Variants in CAMTA1 observed in about 807,000 individuals in gnomAD.
The protein encoded by CAMTA1 is calmodulin-binding transcription activator 1.
CAMTA1 carries 27 observed loss-of-function variants against 170.9 expected under a neutral mutation model. The ratio of observed to expected loss-of-function variants is 0.16; its 90% CI spans 0.12 to 0.22. The LOEUF (loss-of-function observed/expected upper bound fraction) is 0.22. Ranked by LOEUF, CAMTA1 falls within the 10% of genes least tolerant of loss-of-function variation. CAMTA1 has a pLI of 1.00. For synonymous variants in CAMTA1, 833 were observed against 891.5 expected, an observed-to-expected ratio of 0.93 and a Z score of 1.17; for missense variants, 1,619 against 2,217.2, an observed-to-expected ratio of 0.73 and a Z score of 5.42.
At position 7,034,220 on chromosome 1, in the gene CAMTA1, C is replaced by T. The variant is rs554854393; in HGVS notation, c.235-57084C>T. Among the ~76,000 whole-genome samples, 86 of 152,108 alleles carry T rather than the reference C, an allele frequency of 5.7e-4. 2 individuals carry two copies. The South Asian group carries it at 9.8e-3, about 17-fold the overall frequency. On this transcript the variant is annotated intron_variant, in intron 3 of 22. Coordinates refer to ENST00000303635, the MANE Select transcript of CAMTA1 (RefSeq NM_015215.4). The stretch of plus-strand genomic sequence containing the variant: ...TTGCCCAGGCTGGAGTGCAGTGGTG[C>T]GATCTTGGCTCACTGCAACCTCCAC...
chr1:7,261,332 C>G (rs571598856), intron 5 of CAMTA1, among the ~76,000 whole-genome samples: 1 of 152,310 alleles, frequency 6.6e-6, no homozygotes, highest in South Asian at 2.1e-4. Context: ...ATGCTAAGAG[C>G]TCTGTTGAGG....
At chr1:7,703,788 A>G (rs901211086) in intron 11 of CAMTA1, among the ~76,000 whole-genome samples, 9 of 152,210 alleles carry the variant, frequency 5.9e-5, no homozygotes, top group Non-Finnish European at 8.8e-5. Flanking sequence ...GACTGCAAAC[A>G]GCACAGGGAA....
intron 7 of CAMTA1, among the ~76,000 whole-genome samples, chr1:7,655,168 CCA>C (rs754682569): frequency 0.025 from 2,766 of 110,592 alleles, 40 homozygotes; most frequent in Non-Finnish European, 0.035. Context: ...CTATACACAC[CCA>C]CACACACCTA....
At chr1:7,213,530 GC>G (rs1488942646) in intron 4 of CAMTA1, among the ~76,000 whole-genome samples, 4 of 151,960 alleles carry the variant, frequency 2.6e-5, no homozygotes, top group Admixed American at 6.6e-5. Flanking sequence ...GAGGTGGTTT[GC>G]AAATATTTTC....
chr1:7,054,294 G>C (rs1343041818), intron 3 of CAMTA1, among the ~76,000 whole-genome samples: 1 of 152,256 alleles, frequency 6.6e-6, no homozygotes, highest in Non-Finnish European at 1.5e-5. Flanking sequence ...GGAGAAGAGA[G>C]GCCAGGCCGC....
intron 3 of CAMTA1, among the ~76,000 whole-genome samples, chr1:6,840,199 CAAAAA>C (rs565023900): frequency 6.9e-6 from 1 of 144,310 alleles, no homozygotes; most frequent in East Asian, 2.0e-4. Context: ...AACACCGTCT[CAAAAA>C]AAAAAGAGTT....
At position 7,588,633 on chromosome 1, in the gene CAMTA1, A is replaced by G. The variant is rs549209007; in HGVS notation, c.511-51767A>G. 6.6e-6 allele frequency among the ~76,000 whole-genome samples: 1 copy of G among 152,218 alleles called. No individual in the cohort carries two copies. Among genetic ancestry groups the G allele is most frequent in the South Asian group, 2.1e-4 (1 of 4,822 alleles). ...TGAGCAGCCCCAGCCACAGTGGCCC[A>G]TGTTGTTCCCTCCCTTGCAGGGCAA... On this transcript the variant is annotated intron_variant, in intron 6 of 22. Coordinates refer to ENST00000303635, the MANE Select transcript of CAMTA1 (RefSeq NM_015215.4). This position sits in a 1 kb window ranked among gnomAD's most constrained non-coding sequence, Gnocchi z 5.8.
intron 3 of CAMTA1, among the ~76,000 whole-genome samples, chr1:6,983,828 C>T (rs971480684): frequency 3.3e-5 from 4 of 119,904 alleles, no homozygotes; most frequent in African/African-American, 1.3e-4. Context: ...TTAATGCATA[C>T]ATAGGTGGAT....
At chr1:7,713,523 A>G (rs1263319327) in intron 11 of CAMTA1, among the ~76,000 whole-genome samples, 9 of 152,082 alleles carry the variant, frequency 5.9e-5, no homozygotes, top group Non-Finnish European at 1.3e-4. Context: ...ATCTGTTAGC[A>G]TATTAGGGTT....
chr1:7,556,495 A>G (rs1303606355), intron 6 of CAMTA1, among the ~76,000 whole-genome samples: 1 of 152,240 alleles, frequency 6.6e-6, no homozygotes, highest in Non-Finnish European at 1.5e-5. Flanking sequence ...TCTTCCTTGC[A>G]CAGTGGCTAG....
intron 6 of CAMTA1, among the ~76,000 whole-genome samples, chr1:7,638,733 T>C (rs905280323): frequency 6.6e-6 from 1 of 152,108 alleles, no homozygotes; most frequent in Non-Finnish European, 1.5e-5. Flanking sequence ...ATCTAGAAAG[T>C]GACAGGATTG....
At chr1:7,368,427 G>A (rs943125011) in intron 5 of CAMTA1, among the ~76,000 whole-genome samples, 6 of 151,944 alleles carry the variant, frequency 3.9e-5, no homozygotes, top group African/African-American at 1.5e-4. Flanking sequence ...CAGGCACTGG[G>A]CACTCATGGT....
intron 5 of CAMTA1, among the ~76,000 whole-genome samples, chr1:7,398,181 C>CA (rs2089511970): frequency 1.4e-3 from 62 of 45,570 alleles, no homozygotes; most frequent in African/African-American, 4.9e-3. Context: ...CTCTCTCTCT[C>CA]TCTCTCTCTC....
intron 5 of CAMTA1, among the ~76,000 whole-genome samples, chr1:7,402,552 A>G (rs2089981823): frequency 6.6e-6 from 1 of 152,142 alleles, no homozygotes; most frequent in South Asian, 2.1e-4. Context: ...GGCCCATTAT[A>G]TGCTGCAGTC....
chr1:7,087,142 T>G (rs1640859887), intron 3 of CAMTA1, among the ~76,000 whole-genome samples: 1 of 152,222 alleles, frequency 6.6e-6, no homozygotes, highest in Non-Finnish European at 1.5e-5. Context: ...CTGCCGCCTT[T>G]AGGGTCCTAG....
At chr1:7,412,751 T>C (rs1450910296) in intron 5 of CAMTA1, among the ~76,000 whole-genome samples, 1 of 152,112 alleles carries the variant, frequency 6.6e-6, no homozygotes, top group African/African-American at 2.4e-5. Context: ...CAGAAACTCT[T>C]TAGTTTAATG....
At chr1:6,928,403 T>A (rs1356344269) in intron 3 of CAMTA1, among the ~76,000 whole-genome samples, 1 of 152,144 alleles carries the variant, frequency 6.6e-6, no homozygotes, top group Non-Finnish European at 1.5e-5. Flanking sequence ...GTTCAGTGCC[T>A]TTGTGTTCAG....
At position 7,248,048 on chromosome 1, in the gene CAMTA1, A is replaced by C. The variant is rs1263018514; in HGVS notation, c.303-1443A>C. ...TCGGGAGTCGCTGTTGAAAGTCTGT[A>C]ATTTCCAGCGGAATTGCTGTTTAGT... On this transcript the variant is annotated intron_variant, in intron 4 of 22. Transcript: ENST00000303635. This position sits in a 1 kb window ranked among gnomAD's most constrained non-coding sequence, Gnocchi z 4.0. Among the ~76,000 whole-genome samples the C allele has an allele frequency of 2.0e-5, 3 of 152,146 alleles. No individual in the cohort carries two copies. The highest frequency in any genetic ancestry group is 4.8e-5 in the African/African-American group (2 of 41,424).
At chr1:7,574,458 C>A (rs2095165758) in intron 6 of CAMTA1, among the ~76,000 whole-genome samples, 1 of 152,170 alleles carries the variant, frequency 6.6e-6, no homozygotes. Context: ...AGGGATGCTC[C>A]CTGGCCAGCT....
Sources: allele counts gnomAD v4.1 joint callset (sites outside exome capture counted in the v4.1 genomes callset), GRCh38; gene constraint gnomAD v4.1.1; non-coding constraint Gnocchi (gnomAD v3.1); transcripts MANE v1.5; gene names NCBI Gene and HGNC (gene_info 2026-07-23, HGNC 2026-07-21).